The following HMGB1 variants were observed in gnomAD, a reference collection of about 807,000 sequenced individuals.
The protein encoded by HMGB1 is high mobility group box 1, also known as high mobility group protein B1.
For missense variants in HMGB1, 79 were observed against 253.5 expected (o/e 0.31, Z 4.67); for synonymous variants, 81 against 84.0 (o/e 0.96, Z 0.19).
At chr13:30,617,403 G>A (rs916073753) in exon 1 of HMGB1, 3 of 151,954 alleles carry the variant, frequency 2.0e-5, no homozygotes, top group African/African-American at 7.3e-5. Context: ...GACTACGGAT[G>A]CCCGGCGCGG....
chr13:30,459,576 G>GT lies in HMGB1; in HGVS notation c.*1780dup, dbSNP rs1886180011. On this transcript the variant is annotated 3_prime_UTR_variant, in exon 5 of 5. Transcript: ENST00000341423. ...CACTAACCCTGCTGTTCGCTTGCAT[G>GT]TATCTTGTTTTTAAAAATCTTGTTT... The GT allele has an allele frequency of 6.6e-6, 1 of 152,096 alleles. No individual in the cohort carries two copies. Among genetic ancestry groups the GT allele is most frequent in the African/African-American group, 2.4e-5 (1 of 41,384 alleles). The allele number at this position is 152,096 out of a possible 1,614,324, so 9.4% of individuals were successfully genotyped here. A position where few individuals can be genotyped will look rare whatever the true frequency, so the allele number is the denominator to read the frequency against.
intron 1 of HMGB1, among the ~76,000 whole-genome samples, chr13:30,604,228 T>C (rs1336129066): frequency 1.3e-5 from 2 of 152,056 alleles, no homozygotes; most frequent in African/African-American, 2.4e-5. Context: ...GCTAATGAGA[T>C]GGGAAGCCAC....
chr13:30,550,023 A>G (rs1869351032), intron 1 of HMGB1, among the ~76,000 whole-genome samples: 1 of 151,744 alleles, frequency 6.6e-6, no homozygotes, highest in Admixed American at 6.6e-5. Context: ...GGCCACAAAC[A>G]CTATTTTTTA....
intron 1 of HMGB1, chr13:30,539,626 T>C (rs1274613029): frequency 1.0e-5 from 3 of 297,166 alleles, no homozygotes; most frequent in Non-Finnish European, 1.8e-5. Flanking sequence ...TGAGCTCCCA[T>C]CCTCTGAGGG....
intron 1 of HMGB1, among the ~76,000 whole-genome samples, chr13:30,477,336 C>A (rs748986603): frequency 6.6e-6 from 1 of 152,126 alleles, no homozygotes. Context: ...ATAGGCCCTG[C>A]GGTTTGTGAA....
intron 1 of HMGB1, among the ~76,000 whole-genome samples, chr13:30,562,769 G>A (rs940824947): frequency 2.0e-5 from 3 of 152,146 alleles, no homozygotes; most frequent in African/African-American, 7.2e-5. Context: ...GGTTGGAGAC[G>A]GTACGGTATT....
chr13:30,491,156 G>A (rs1887482482), intron 1 of HMGB1, among the ~76,000 whole-genome samples: 1 of 151,962 alleles, frequency 6.6e-6, no homozygotes, highest in Non-Finnish European at 1.5e-5. Flanking sequence ...AGCCTCCCGA[G>A]TAGCTGGGAT....
chr13:30,596,705 T>C (rs1258986395), intron 1 of HMGB1, among the ~76,000 whole-genome samples: 1 of 152,212 alleles, frequency 6.6e-6, no homozygotes, highest in Non-Finnish European at 1.5e-5. Flanking sequence ...TTGAGTAAAT[T>C]CTTTCAGAAC....
chr13:30,460,316 G>A lies in HMGB1; in HGVS notation c.*1041C>T, dbSNP rs946028559. 30 of 150,686 alleles carry A rather than the reference G, an allele frequency of 2.0e-4. No homozygotes were observed. Among genetic ancestry groups the A allele is most frequent in the Admixed American group, 1.9e-3 (28 of 15,070 alleles). 9.3% of individuals were successfully genotyped at this position (150,686 alleles called of 1,614,324 possible). ...AAAAATACTTGTAATGGAAAGTCTC[G>A]TTTCCTGAGCAGTCCATATTTAGAT... On this transcript the variant is annotated 3_prime_UTR_variant, in exon 5 of 5. Coordinates refer to ENST00000341423, the MANE Select transcript of HMGB1 (RefSeq NM_002128.7).
chr13:30,574,975 A>T (rs558993649), intron 1 of HMGB1, among the ~76,000 whole-genome samples: 1 of 152,228 alleles, frequency 6.6e-6, no homozygotes, highest in Non-Finnish European at 1.5e-5. Context: ...CTCGTACTAA[A>T]GATGTGTCTG....
rs1418734649 is a variant in HMGB1 at position 30,571,368 on chromosome 13, C to T, written c.-15+45303G>A. ...GGAGTGCAGTGGCGCAATCTTGGCT[C>T]ACTGCAACCTCCGCCTCCCGGGTTC... On this transcript the variant is annotated intron_variant, in intron 1 of 4. Transcript: ENST00000405805. Among the ~76,000 whole-genome samples, 6 of 151,068 alleles carry T rather than the reference C, an allele frequency of 4.0e-5. No individual in the cohort carries two copies. The South Asian group carries it at 6.3e-4, about 16-fold the overall frequency.
At chr13:30,572,859 C>T (rs1243710436) in intron 1 of HMGB1, among the ~76,000 whole-genome samples, 1 of 152,152 alleles carries the variant, frequency 6.6e-6, no homozygotes, top group Non-Finnish European at 1.5e-5. Flanking sequence ...AGCAAGCCTC[C>T]CACACTCTTG....
At chr13:30,529,713 T>A (rs1306049559) in intron 1 of HMGB1, among the ~76,000 whole-genome samples, 1 of 152,192 alleles carries the variant, frequency 6.6e-6, no homozygotes, top group Non-Finnish European at 1.5e-5. Context: ...CAAAGGTGAA[T>A]AGATAGATGG....
At chr13:30,602,416 C>A (rs1045609977) in intron 1 of HMGB1, among the ~76,000 whole-genome samples, 3 of 152,172 alleles carry the variant, frequency 2.0e-5, no homozygotes, top group African/African-American at 7.2e-5. Flanking sequence ...TTTTAAACCA[C>A]AAAGATTTGG....
intron 1 of HMGB1, among the ~76,000 whole-genome samples, chr13:30,534,812 G>A (rs1247243198): frequency 6.6e-6 from 1 of 151,966 alleles, no homozygotes; most frequent in Non-Finnish European, 1.5e-5. Flanking sequence ...CCTGGCCTCA[G>A]GTGATCTGCC....
chr13:30,491,702 T>TAA (rs1938411050), intron 1 of HMGB1, among the ~76,000 whole-genome samples: 1 of 151,912 alleles, frequency 6.6e-6, no homozygotes, highest in South Asian at 2.1e-4. Flanking sequence ...CTTTGACTTT[T>TAA]ACATCATGCT....
rs533517103 is a variant in HMGB1, at chr13:30,505,281, C to T, written c.-14-41587G>A. On this transcript the variant is annotated intron_variant, in intron 1 of 4. Coordinates refer to the HMGB1 transcript ENST00000405805. ...GCAACCTCCGCCTCCTGGGTTCAAA[C>T]GATTCTCCTGCCTCAGCCTCCCTAG... 1.1e-3 allele frequency among the ~76,000 whole-genome samples: 172 copies of T among 152,126 alleles called. 1 individual carries two copies. Among genetic ancestry groups the T allele is most frequent in the African/African-American group, 3.9e-3 (161 of 41,500 alleles).
intron 4 of HMGB1, 196 bp from the exon 5 acceptor site, chr13:30,461,729 A>G: frequency 7.1e-7 from 1 of 1,404,068 alleles, no homozygotes. Flanking sequence ...CATTATAACA[A>G]TCTATAACTC....
intron 1 of HMGB1, among the ~76,000 whole-genome samples, chr13:30,500,271 T>C (rs910946214): frequency 3.9e-5 from 6 of 152,214 alleles, no homozygotes; most frequent in African/African-American, 9.7e-5. Context: ...ATAAGTCAAA[T>C]AAACTTCTTT....
Sources: allele counts gnomAD v4.1 joint callset (sites outside exome capture counted in the v4.1 genomes callset), GRCh38; gene constraint gnomAD v4.1.1; transcripts MANE v1.5; gene names NCBI Gene and HGNC (gene_info 2026-07-23, HGNC 2026-07-21).